The following RCSD1 variants were observed in gnomAD, a reference collection of about 807,000 sequenced individuals.
The protein encoded by RCSD1 is capZ-interacting protein.
RCSD1 carries 26 observed loss-of-function variants against 42.5 expected under a neutral mutation model. The observed-to-expected ratio is 0.61, with a 90% CI of 0.45 to 0.85. The LOEUF (loss-of-function observed/expected upper bound fraction) is 0.85. Ranked by LOEUF, RCSD1 falls within the 40% of genes least tolerant of loss-of-function variation. The pLI is 0.00. For synonymous variants in RCSD1, 220 were observed against 212.2 expected (o/e 1.04, Z -0.32); for missense variants, 571 against 528.3 (o/e 1.08, Z -0.79).
intron 5 of RCSD1, among the ~76,000 whole-genome samples, chr1:167,695,076 A>G (rs1433923035): frequency 7.4e-6 from 1 of 135,364 alleles, no homozygotes; most frequent in Non-Finnish European, 1.7e-5. Flanking sequence ...TCCAGCTAGC[A>G]AAAAAAAAAT....
intron 4 of RCSD1, among the ~76,000 whole-genome samples, chr1:167,692,094 T>C (rs1423899889): frequency 1.3e-5 from 2 of 152,096 alleles, no homozygotes; most frequent in Non-Finnish European, 2.9e-5. Context: ...ACACAACAAC[T>C]TGAGAATGTG....
intron 1 of RCSD1, among the ~76,000 whole-genome samples, chr1:167,633,404 G>T (rs1229396): frequency 6.6e-6 from 1 of 152,048 alleles, no homozygotes; most frequent in Non-Finnish European, 1.5e-5. Context: ...AGGTATAAGG[G>T]ATGGGCACAG....
chr1:167,684,493 G>A (rs373013737), intron 2 of RCSD1, among the ~76,000 whole-genome samples: 1 of 151,022 alleles, frequency 6.6e-6, no homozygotes, highest in East Asian at 2.0e-4. Context: ...GTGACCAGTA[G>A]AGGAAAGTGT....
At chr1:167,668,736 TAAAA>T (rs57523926) in intron 1 of RCSD1, among the ~76,000 whole-genome samples, 4 of 130,426 alleles carry the variant, frequency 3.1e-5, no homozygotes, top group East Asian at 2.1e-4. Context: ...CAAGATGTAC[TAAAA>T]AAAAAAAAAA....
chr1:167,677,307 G>T (rs896364675), intron 1 of RCSD1, among the ~76,000 whole-genome samples: 1 of 152,290 alleles, frequency 6.6e-6, no homozygotes, highest in East Asian at 1.9e-4. Context: ...GATGGGGCAC[G>T]CAACATTCAT....
At chr1:167,695,604 T>C (rs1174702619) in intron 5 of RCSD1, among the ~76,000 whole-genome samples, 3 of 151,184 alleles carry the variant, frequency 2.0e-5, no homozygotes, top group Non-Finnish European at 4.4e-5. Context: ...AGTGGTGCGA[T>C]ATTGGCTCAT....
chr1:167,656,673 G>A (rs1246674615), intron 1 of RCSD1, among the ~76,000 whole-genome samples: 3 of 152,156 alleles, frequency 2.0e-5, no homozygotes, highest in African/African-American at 4.8e-5. Flanking sequence ...AGGACAGGAC[G>A]CCTTCCACAT....
chr1:167,657,626 G>A (rs547034451), intron 1 of RCSD1, among the ~76,000 whole-genome samples: 10 of 152,138 alleles, frequency 6.6e-5, no homozygotes, highest in African/African-American at 9.6e-5. Flanking sequence ...TCCCCTCTGG[G>A]CATCTGTGCC....
intron 1 of RCSD1, among the ~76,000 whole-genome samples, chr1:167,667,420 C>G (rs1300468020): frequency 6.6e-6 from 1 of 152,184 alleles, no homozygotes; most frequent in African/African-American, 2.4e-5. Context: ...TTCTTTTCTT[C>G]AAATTTTCTC....
intron 2 of RCSD1, among the ~76,000 whole-genome samples, chr1:167,684,409 T>C (rs1659170337): frequency 6.6e-6 from 1 of 151,972 alleles, no homozygotes; most frequent in Admixed American, 6.6e-5. Context: ...AAATCGAGAA[T>C]TGAGAAAGAA....
chr1:167,638,609 G>C (rs979085624), intron 1 of RCSD1, among the ~76,000 whole-genome samples: 5 of 152,178 alleles, frequency 3.3e-5, no homozygotes, highest in African/African-American at 1.2e-4. Context: ...GCTCAGGCCA[G>C]GCTGTGGTGG....
At position 167,645,418 on chromosome 1, in the gene RCSD1, G is replaced by A. The variant is rs141225682; in HGVS notation, c.6+14989G>A. Among the ~76,000 whole-genome samples the A allele has an allele frequency of 6.7e-3, 1,017 of 152,340 alleles. 11 individuals carry two copies. The highest frequency in any genetic ancestry group is 0.011 in the Non-Finnish European group (732 of 68,034). On this transcript the variant is annotated intron_variant, in intron 1 of 6. Transcript: ENST00000367854. ...TCAATAAGCTGGAGGTTTAGTGGTG[G>A]TGGTGCCAAGAGATAAGATATGTCC...
intron 1 of RCSD1, among the ~76,000 whole-genome samples, chr1:167,668,229 A>G (rs1033102919): frequency 2.0e-5 from 3 of 151,894 alleles, no homozygotes; most frequent in Non-Finnish European, 4.4e-5. Flanking sequence ...AGGTTGCAGT[A>G]AGCTGAGATT....
intron 1 of RCSD1, among the ~76,000 whole-genome samples, chr1:167,645,016 T>G (rs372950753): frequency 6.6e-6 from 1 of 152,230 alleles, no homozygotes; most frequent in East Asian, 1.9e-4. Flanking sequence ...CCCAGGTCTT[T>G]CCTGAAGAAA....
chr1:167,667,533 G>C (rs1658690068), intron 1 of RCSD1, among the ~76,000 whole-genome samples: 1 of 152,212 alleles, frequency 6.6e-6, no homozygotes. Context: ...CATGTTCTAG[G>C]ATAGGTTGGG....
At chr1:167,686,816 G>A (rs1659247069) in intron 3 of RCSD1, among the ~76,000 whole-genome samples, 1 of 152,214 alleles carries the variant, frequency 6.6e-6, no homozygotes, top group African/African-American at 2.4e-5. Context: ...TATGCAATGG[G>A]TTGAGGTTAT....
intron 3 of RCSD1, among the ~76,000 whole-genome samples, chr1:167,688,060 C>T (rs1419218426): frequency 6.6e-6 from 1 of 152,244 alleles, no homozygotes; most frequent in African/African-American, 2.4e-5. Context: ...GTCTCAGCCG[C>T]TTGCCTGAAG....
chr1:167,683,826 C>T, intron 1 of RCSD1, 74 bp from the exon 2 acceptor site: 1 of 1,362,694 alleles, frequency 7.3e-7, no homozygotes, highest in South Asian at 1.2e-5. Context: ...CTGCTTGCAG[C>T]CACAAAACAG....
chr1:167,673,853 C>A (rs1658871852), intron 1 of RCSD1, among the ~76,000 whole-genome samples: 1 of 152,246 alleles, frequency 6.6e-6, no homozygotes, highest in African/African-American at 2.4e-5. Context: ...CACCTTCTCT[C>A]CTAGCAAGCT....
Sources: allele counts gnomAD v4.1 joint callset (sites outside exome capture counted in the v4.1 genomes callset), GRCh38; gene constraint gnomAD v4.1.1; transcripts MANE v1.5; gene names NCBI Gene and HGNC (gene_info 2026-07-23, HGNC 2026-07-21).